The following EBF1 variants were observed in gnomAD, a reference collection of about 807,000 sequenced individuals.
EBF1 encodes the protein EBF transcription factor 1, also known as transcription factor COE1.
Under a neutral mutation model 68.4 loss-of-function variants are expected in EBF1, and 10 were observed. The ratio of observed to expected loss-of-function variants is 0.15; its 90% confidence interval spans 0.09 to 0.25. The LOEUF (loss-of-function observed/expected upper bound fraction) is 0.25. EBF1 is among the 10% of genes least tolerant of loss of function. EBF1 has a pLI of 1.00. For synonymous variants in EBF1, 298 were observed against 299.8 expected, an observed-to-expected ratio of 0.99 and a Z score of 0.06; for missense variants, 509 against 794.4, an observed-to-expected ratio of 0.64 and a Z score of 4.32.
intron 6 of EBF1, among the ~76,000 whole-genome samples, chr5:158,911,338 C>T (rs1805930413): frequency 6.6e-6 from 1 of 152,158 alleles, no homozygotes; most frequent in Non-Finnish European, 1.5e-5. Flanking sequence ...CTACAGCTGT[C>T]AGCCCTCAGA....
chr5:158,938,998 G>A (rs1368577815), intron 6 of EBF1, among the ~76,000 whole-genome samples: 2 of 152,056 alleles, frequency 1.3e-5, no homozygotes, highest in Non-Finnish European at 2.9e-5. Context: ...GTGCTTACTG[G>A]TCCAACTTTC....
chr5:158,699,210 A>G, intron 15 of EBF1, 68 bp from the exon 16 acceptor site: 1 of 1,488,912 alleles, frequency 6.7e-7, no homozygotes, highest in South Asian at 1.3e-5. Flanking sequence ...AAAATAATGA[A>G]GACTAAAAAA....
rs562451142 is a variant in EBF1, at chr5:159,077,146, C to T, written c.486-3682G>A. The stretch of plus-strand genomic sequence containing the variant: ...CATAATGTCAACGGCTTTAGAAATG[C>T]CTTCCCCTCTGGGCATGGTGGATTA... On this transcript the variant is annotated intron_variant, in intron 5 of 15. Coordinates refer to ENST00000313708, the MANE Select transcript of EBF1 (RefSeq NM_024007.5). Among the ~76,000 whole-genome samples the T allele has an allele frequency of 1.4e-4, 21 of 152,336 alleles. No homozygotes were observed. The South Asian group carries it at 4.1e-3, about 30-fold the overall frequency.
At position 158,796,389 on chromosome 5, in the gene EBF1, C is replaced by A; in HGVS notation, c.865G>T (p.Asp289Tyr). 5 of 1,613,752 alleles carry A rather than the reference C, an allele frequency of 3.1e-6. No homozygotes were observed. The highest frequency in any genetic ancestry group is 3.4e-6 in the Non-Finnish European group (4 of 1,179,748). The change falls in exon 9 of 16, where the codon GAT becomes TAT. Residue 289 changes from aspartate (D) to tyrosine (Y), a missense_variant. Physicochemically the swap from Asp to Tyr is radical, Grantham distance 160 (BLOSUM62 -3). Around this residue, in one of 3 missense-constraint regions of EBF1, gnomAD observed 230 missense variants for 467.7 expected, o/e 0.49. Transcript: ENST00000313708. ...TVIIIGDNFF[D>Y]GLQVIFGTML... ...GTACCGAATATGACCTGTAACCCATCAAAGAAATTGTCCCCTATGATGATC... is the reference window on the plus strand; with the variant it reads ...GTACCGAATATGACCTGTAACCCATAAAAGAAATTGTCCCCTATGATGATC...
At chr5:158,763,645 A>G (rs903939230) in intron 10 of EBF1, among the ~76,000 whole-genome samples, 1 of 152,156 alleles carries the variant, frequency 6.6e-6, no homozygotes, top group Admixed American at 6.5e-5. Context: ...CCTTTCCTTG[A>G]GAGTTTACTG....
chr5:158,999,658 C>CTGATGGTCT (rs534967462), intron 6 of EBF1, among the ~76,000 whole-genome samples: 218 of 152,296 alleles, frequency 1.4e-3, no homozygotes, highest in African/African-American at 5.1e-3. Context: ...TCAGCAGTTG[C>CTGATGGTCT]TGATGGTCTC....
intron 6 of EBF1, among the ~76,000 whole-genome samples, chr5:159,066,049 G>T (rs1369190048): frequency 1.3e-5 from 2 of 152,098 alleles, no homozygotes; most frequent in African/African-American, 4.8e-5. Flanking sequence ...GCAAAGCTAA[G>T]AGGCATCTAT....
chr5:158,879,618 A>G (rs1230340896), intron 6 of EBF1, among the ~76,000 whole-genome samples: 1 of 152,208 alleles, frequency 6.6e-6, no homozygotes, highest in Non-Finnish European at 1.5e-5. Context: ...CGCAATAAAC[A>G]TATGTGTGCA....
intron 8 of EBF1, among the ~76,000 whole-genome samples, chr5:158,808,100 C>T (rs1175120189): frequency 6.6e-6 from 1 of 152,170 alleles, no homozygotes; most frequent in Non-Finnish European, 1.5e-5. Context: ...GCGTTTGTTA[C>T]AGCACAGATG....
At position 159,064,524 on chromosome 5, in the gene EBF1, C is replaced by T. The variant is rs142176649; in HGVS notation, c.554+8872G>A. Among the ~76,000 whole-genome samples the T allele has an allele frequency of 2.9e-3, 437 of 152,212 alleles. 3 individuals are homozygous for T. Among genetic ancestry groups the T allele is most frequent in the African/African-American group, 9.8e-3 (406 of 41,508 alleles). ...GAGAATTTTCTGAGATGGTATACCCCGACGTGCTCTAAAACGCTGGAAGTG... is the reference window on the plus strand; with the variant it reads ...GAGAATTTTCTGAGATGGTATACCCTGACGTGCTCTAAAACGCTGGAAGTG... On this transcript the variant is annotated intron_variant, in intron 6 of 15. Transcript: ENST00000313708.
At chr5:158,747,064 A>G (rs1767751292) in intron 10 of EBF1, among the ~76,000 whole-genome samples, 1 of 152,194 alleles carries the variant, frequency 6.6e-6, no homozygotes, top group South Asian at 2.1e-4. Flanking sequence ...GCAAAGGCAC[A>G]TCTACTCAAT....
intron 6 of EBF1, among the ~76,000 whole-genome samples, chr5:158,937,657 T>A (rs1426598781): frequency 6.6e-6 from 1 of 152,138 alleles, no homozygotes; most frequent in African/African-American, 2.4e-5. Context: ...TCTATTCGAG[T>A]GCGGAATGGC....
At chr5:158,701,128 A>G (rs899401723) in intron 15 of EBF1, among the ~76,000 whole-genome samples, 2 of 152,148 alleles carry the variant, frequency 1.3e-5, no homozygotes, top group Non-Finnish European at 2.9e-5. Flanking sequence ...AGGCACCTTT[A>G]TTAAAGACAG....
chr5:159,004,752 G>A (rs1763231447), intron 6 of EBF1, among the ~76,000 whole-genome samples: 1 of 152,176 alleles, frequency 6.6e-6, no homozygotes, highest in Non-Finnish European at 1.5e-5. Context: ...AGCTTCAGGT[G>A]ATAAGATCCT....
chr5:158,712,093 G>T, intron 14 of EBF1, 61 bp downstream of exon 14: 1 of 1,586,684 alleles, frequency 6.3e-7, no homozygotes, highest in Non-Finnish European at 8.6e-7. Flanking sequence ...GGGCCACATG[G>T]CATGATGCCA....
intron 1 of EBF1, chr5:159,097,637 T>C (rs1409224298): frequency 2.1e-5 from 5 of 234,570 alleles, no homozygotes; most frequent in Non-Finnish European, 4.2e-5. Flanking sequence ...CAACTGCGAG[T>C]GCCCGGCCTT....
At chr5:158,875,324 A>AT (rs1278226704) in intron 6 of EBF1, among the ~76,000 whole-genome samples, 1 of 152,166 alleles carries the variant, frequency 6.6e-6, no homozygotes, top group African/African-American at 2.4e-5. Flanking sequence ...ATTCCAAGTG[A>AT]TTTTTTTAAC....
At chr5:158,859,794 T>C (rs1400892187) in intron 6 of EBF1, among the ~76,000 whole-genome samples, 5 of 152,238 alleles carry the variant, frequency 3.3e-5, no homozygotes, top group Non-Finnish European at 7.3e-5. Context: ...TTGATCACAT[T>C]GGCCAGAACA....
chr5:158,987,351 A>G (rs1759302035), intron 6 of EBF1, among the ~76,000 whole-genome samples: 1 of 152,180 alleles, frequency 6.6e-6, no homozygotes, highest in Non-Finnish European at 1.5e-5. Context: ...TTTTTCTATT[A>G]TCTTTACTAT....
Sources: allele counts gnomAD v4.1 joint callset (sites outside exome capture counted in the v4.1 genomes callset), GRCh38; gene constraint gnomAD v4.1.1; regional missense constraint gnomAD v4.1.1; transcripts MANE v1.5; gene names NCBI Gene and HGNC (gene_info 2026-07-23, HGNC 2026-07-21).